Variants in C11orf65 observed in about 807,000 individuals in gnomAD.
The protein encoded by C11orf65 is chromosome 11 open reading frame 65.
A neutral mutation model predicts 35.3 loss-of-function variants in C11orf65; 38 were observed. The ratio of observed to expected loss-of-function variants is 1.08; its 90% CI spans 0.83 to 1.41. C11orf65 has a LOEUF of 1.41. Ranked by LOEUF, C11orf65 falls within the 40% of genes most tolerant of loss-of-function variation. C11orf65 has a pLI of 0.00. For synonymous variants in C11orf65, 105 were observed against 114.4 expected (o/e 0.92, Z 0.53); for missense variants, 370 against 367.1 (o/e 1.01, Z -0.06).
Position 108,393,149 on chromosome 11 carries a change from T to C in C11orf65, c.731+59A>G, listed in dbSNP as rs965350036. The C allele has an allele frequency of 4.0e-6, 6 of 1,494,528 alleles. No homozygotes were observed. The South Asian group carries it at 8.6e-5, about 21-fold the overall frequency. The allele number at this position is 1,494,528 out of a possible 1,614,324, so 92.6% of individuals were successfully genotyped here. A position where few individuals can be genotyped will look rare whatever the true frequency, so the allele number is the denominator to read the frequency against. ...CAAGATTCAACAAGGAAATAGGAAA[T>C]GTTAGAAAAAAACTATGATGACTGC... On this transcript the variant is annotated intron_variant, in intron 7 of 8. Transcript: ENST00000393084.
In C11orf65 at chr11:108,446,934, G is replaced by A. The variant is rs536034147; in HGVS notation, c.81+14545C>T. Among the ~76,000 whole-genome samples the A allele has an allele frequency of 1.4e-3, 207 of 152,252 alleles. 13 individuals are homozygous for A. The South Asian group carries it at 0.042, about 31-fold the overall frequency. ...ATAGGCTCAAAATAAAAGGATGGAG[G>A]AAGATCTGCCAAGCAAATGGAAAAC... On this transcript the variant is annotated intron_variant, in intron 2 of 8. Coordinates refer to ENST00000393084, the MANE Select transcript of C11orf65 (RefSeq NM_152587.5).
At chr11:108,446,644 G>C (rs991543489) in intron 2 of C11orf65, among the ~76,000 whole-genome samples, 19 of 152,098 alleles carry the variant, frequency 1.2e-4, no homozygotes, top group Admixed American at 3.3e-4. Context: ...ACTAAACATG[G>C]AAAGGAACAA....
chr11:108,388,539 A>T (rs566249432), intron 7 of C11orf65, among the ~76,000 whole-genome samples: 11 of 152,218 alleles, frequency 7.2e-5, no homozygotes, highest in African/African-American at 2.7e-4. Context: ...ACAAAACTAC[A>T]TATCTTAGAA....
chr11:108,340,522 AT>A (rs1176598977), intron 2 of C11orf65, among the ~76,000 whole-genome samples: 1 of 152,186 alleles, frequency 6.6e-6, no homozygotes, highest in African/African-American at 2.4e-5. Context: ...AGCAAGTCCT[AT>A]TGGTCAACTT....
At chr11:108,431,704 T>G (rs778842318) in intron 3 of C11orf65, 42 bp downstream of exon 3, 1 of 1,075,782 alleles carries the variant, frequency 9.3e-7, no homozygotes, top group African/African-American at 1.6e-5. Context: ...TCACATTTTA[T>G]GGAAAAATAT....
intron 2 of C11orf65, among the ~76,000 whole-genome samples, chr11:108,449,633 A>C (rs1266574850): frequency 1.3e-5 from 2 of 151,958 alleles, no homozygotes; most frequent in Non-Finnish European, 2.9e-5. Flanking sequence ...ACAAAAATTA[A>C]CTCAAGATGG....
intron 2 of C11orf65, among the ~76,000 whole-genome samples, chr11:108,349,943 T>C (rs1305297279): frequency 6.6e-6 from 1 of 152,180 alleles, no homozygotes. Context: ...TAGGAAAGTC[T>C]TAAGCTGGAG....
At chr11:108,446,031 A>G (rs2093251255) in intron 2 of C11orf65, among the ~76,000 whole-genome samples, 1 of 152,138 alleles carries the variant, frequency 6.6e-6, no homozygotes, top group African/African-American at 2.4e-5. Flanking sequence ...CAGTGATGGA[A>G]GATGAAATGA....
chr11:108,317,714 GTA>G (rs1159597234), intron 6 of C11orf65, among the ~76,000 whole-genome samples: 3 of 143,302 alleles, frequency 2.1e-5, no homozygotes, highest in Non-Finnish European at 3.0e-5. Context: ...GTGTATGTGT[GTA>G]TATATATATA....
intron 2 of C11orf65, among the ~76,000 whole-genome samples, chr11:108,460,744 G>GTTC (rs796468896): frequency 1.5e-4 from 23 of 152,142 alleles, no homozygotes; most frequent in African/African-American, 5.5e-4. Context: ...TGTTGTTGTT[G>GTTC]TTGTTGTTGC....
chr11:108,331,677 G>T, intron 3 of C11orf65: 1 of 1,366,362 alleles, frequency 7.3e-7, no homozygotes, highest in Admixed American at 2.7e-5. Context: ...TGTATTTTTT[G>T]TCTTCTCACA....
At chr11:108,329,667 G>C (rs971115644), downstream of C11orf65, among the ~76,000 whole-genome samples, 3 of 152,038 alleles carry the variant, frequency 2.0e-5, no homozygotes, top group Admixed American at 2.0e-4. Flanking sequence ...CACCTTGGCC[G>C]CCCAAAGTGC....
rs1487809821 is a variant in C11orf65 at position 108,365,318 on chromosome 11, T to G, written c.226+27890A>C. On this transcript the variant is annotated intron_variant, in intron 2 of 3. Coordinates refer to the C11orf65 transcript ENST00000524755. ...CCTCACTGAAACCTTTGTGTTTTTGTCCTTAGTGATATTGACCAGAGTTTC... is the reference window on the plus strand; with the variant it reads ...CCTCACTGAAACCTTTGTGTTTTTGGCCTTAGTGATATTGACCAGAGTTTC... The G allele has an allele frequency of 1.2e-6, 2 of 1,614,104 alleles. No homozygotes were observed. Among genetic ancestry groups the G allele is most frequent in the African/African-American group, 2.7e-5 (2 of 74,942 alleles).
At chr11:108,319,278 G>A (rs1204854344) in intron 6 of C11orf65, among the ~76,000 whole-genome samples, 1 of 152,098 alleles carries the variant, frequency 6.6e-6, no homozygotes, top group African/African-American at 2.4e-5. Flanking sequence ...TTTCCTGTGC[G>A]AGTTGATTCT....
chr11:108,332,765 CGAA>C (rs2086404074), intron 3 of C11orf65: 1 of 1,612,056 alleles, frequency 6.2e-7, no homozygotes, highest in African/African-American at 1.3e-5. Flanking sequence ...TTAATAGGAT[CGAA>C]CAGAGGCTGC....
In C11orf65 at chr11:108,312,453, T is replaced by C. The variant is rs1060504265; in HGVS notation, c.641-3382A>G. ...AAGGAAGCCAGAGTACAACTATTTC[T>C]AGCTTGAGTGAAAAAAGTAAAGAAG... On this transcript the variant is annotated intron_variant, in intron 6 of 6. Coordinates refer to the C11orf65 transcript ENST00000525729. The C allele has an allele frequency of 2.5e-6, 4 of 1,597,160 alleles. No individual in the cohort carries two copies. Among genetic ancestry groups the C allele is most frequent in the Non-Finnish European group, 3.4e-6 (4 of 1,164,872 alleles).
intron 6 of C11orf65, among the ~76,000 whole-genome samples, chr11:108,404,586 CTTTTTTT>C (rs71047693): frequency 5.8e-5 from 8 of 136,834 alleles, no homozygotes; most frequent in Non-Finnish European, 3.1e-5. Context: ...TTTTTCTTTT[CTTTTTTT>C]TTTTTTTTGG....
chr11:108,455,140 C>T (rs1249638499), intron 2 of C11orf65, among the ~76,000 whole-genome samples: 1 of 152,182 alleles, frequency 6.6e-6, no homozygotes, highest in African/African-American at 2.4e-5. Flanking sequence ...CCACAGCTAA[C>T]ATCATACTCA....
At chr11:108,342,542 G>A (rs746040303) in intron 2 of C11orf65, among the ~76,000 whole-genome samples, 1 of 152,064 alleles carries the variant, frequency 6.6e-6, no homozygotes, top group Non-Finnish European at 1.5e-5. Flanking sequence ...CTTGATGGTG[G>A]GAGGGACTTA....
Sources: gnomAD v4.1 joint callset for allele counts (sites outside exome capture counted in the v4.1 genomes callset) on GRCh38, gnomAD v4.1.1 for gene constraint, MANE v1.5 for transcripts, NCBI Gene and HGNC (gene_info 2026-07-23, HGNC 2026-07-21) for gene names.